Variants in WDR26 observed in about 807,000 individuals in gnomAD.
WDR26 encodes the protein WD repeat domain 26, also known as WD repeat-containing protein 26.
In WDR26, 5 loss-of-function variants were observed where a neutral mutation model predicts 84.1. The observed-to-expected ratio is 0.06, with a 90% CI of 0.03 to 0.13. The LOEUF (loss-of-function observed/expected upper bound fraction) is 0.13. Ranked by LOEUF, WDR26 falls within the 10% of genes least tolerant of loss-of-function variation. The pLI, the probability that WDR26 is intolerant of heterozygous loss-of-function variation, is 1.00. For missense variants in WDR26, 642 were observed against 974.9 expected, an observed-to-expected ratio of 0.66 and a Z score of 4.55; for synonymous variants, 415 against 389.6, an observed-to-expected ratio of 1.07 and a Z score of -0.77.
intron 7 of WDR26, among the ~76,000 whole-genome samples, chr1:224,410,803 A>T (rs1673717916): frequency 6.8e-6 from 1 of 147,260 alleles, no homozygotes; most frequent in South Asian, 2.1e-4. Context: ...GGCTCAAGTG[A>T]TCCTCCCACT....
At chr1:224,396,465 A>G (rs12754832) in intron 12 of WDR26, among the ~76,000 whole-genome samples, 27,901 of 152,166 alleles carry the variant, frequency 0.18, 2,812 homozygotes, top group Middle Eastern at 0.23. Context: ...GGAAAATTTA[A>G]TTAGAAACTA....
At chr1:224,425,001 C>T (rs969096756) in intron 3 of WDR26, among the ~76,000 whole-genome samples, 2 of 152,174 alleles carry the variant, frequency 1.3e-5, no homozygotes, top group East Asian at 3.8e-4. Flanking sequence ...ATTCCAAGTA[C>T]TTGAAATTTG....
intron 9 of WDR26, 100 bp from the exon 10 acceptor site, chr1:224,399,134 G>T (rs1673339189): frequency 1.1e-5 from 10 of 940,286 alleles, no homozygotes; most frequent in South Asian, 5.5e-5. Flanking sequence ...TTAGTAACAG[G>T]TTTTTTTTTT....
chr1:224,405,883 G>A (rs1216673775), intron 7 of WDR26, among the ~76,000 whole-genome samples: 2 of 152,226 alleles, frequency 1.3e-5, no homozygotes, highest in African/African-American at 4.8e-5. Context: ...GGAATATACA[G>A]TGTGATATTT....
At position 224,393,947 on chromosome 1, in the gene WDR26, C is replaced by T. The variant is rs1275715073; in HGVS notation, c.2141G>A (p.Arg714His). 4.5e-6 allele frequency: 7 copies of T among 1,570,936 alleles called. No individual in the cohort carries two copies. The highest frequency in any genetic ancestry group is 6.1e-6 in the Non-Finnish European group (7 of 1,146,444). The change falls in exon 13 of 14, where the codon CGT (arginine) becomes CAT (histidine). Residue 714 changes from arginine (R) to histidine (H), a missense_variant. Transcript: ENST00000414423. Reference sequence around the variant, plus strand: ...GTTCCAGCTCACACAGTTTACTGTACGTGTGTGCCCTGTCAGCTCCGCAAT... The same window carrying T: ...GTTCCAGCTCACACAGTTTACTGTATGTGTGTGCCCTGTCAGCTCCGCAAT...
intron 6 of WDR26, 103 bp from the exon 7 acceptor site, chr1:224,411,668 T>TA: frequency 8.1e-7 from 1 of 1,239,510 alleles, no homozygotes. Context: ...ATCACATCAC[T>TA]AACTTTAAAA....
At chr1:224,398,299 T>A in intron 11 of WDR26, 73 bp from the exon 12 acceptor site, 1 of 1,532,674 alleles carries the variant, frequency 6.5e-7, no homozygotes, top group Non-Finnish European at 8.8e-7. Flanking sequence ...TCTGTAAATA[T>A]CCCTTTGCCT....
At position 224,419,625 on chromosome 1, in the gene WDR26, C is replaced by A; in HGVS notation, c.1065-10G>T. 6.2e-7 allele frequency: 1 copy of A among 1,605,784 alleles called. No individual in the cohort carries two copies. The stretch of plus-strand genomic sequence containing the variant: ...GCTACACATCAGATACCTAAAAATA[C>A]AACAGAGAAAGCAACCAATATTAAA... On this transcript the variant is annotated splice_polypyrimidine_tract_variant and intron_variant, in intron 4 of 13. Coordinates refer to ENST00000414423, the MANE Select transcript of WDR26 (RefSeq NM_001379403.1).
At chr1:224,400,670 C>G (rs972337756) in intron 9 of WDR26, among the ~76,000 whole-genome samples, 1 of 152,040 alleles carries the variant, frequency 6.6e-6, no homozygotes, top group Admixed American at 6.5e-5. Context: ...CTCAGCCTCC[C>G]GAGTAGCTGG....
chr1:224,434,173 G>C lies in WDR26; in HGVS notation c.233C>G (p.Ala78Gly). ...GACAGCAGCGGCGGCGGGAGGGGCA[G>C]CAGCCGGGGGAAGTCCCACCACTAC... Residue 78 changes from alanine (A) to glycine (G), a missense_variant, in exon 1 of 14, where the codon GCT becomes GGT. Coordinates refer to ENST00000414423, the MANE Select transcript of WDR26 (RefSeq NM_001379403.1). 1.4e-6 allele frequency: 2 copies of C among 1,422,938 alleles called. No homozygotes were observed. Among genetic ancestry groups the C allele is most frequent in the Non-Finnish European group, 1.8e-6 (2 of 1,093,528 alleles). 88.1% of individuals were successfully genotyped at this position (1,422,938 alleles called of 1,614,324 possible). A position where few individuals can be genotyped will look rare whatever the true frequency, so the allele number is the denominator to read the frequency against.
At chr1:224,413,939 A>G in intron 6 of WDR26, among the ~76,000 whole-genome samples, 1 of 152,018 alleles carries the variant, frequency 6.6e-6, no homozygotes, top group East Asian at 1.9e-4. Context: ...CCTCCCCAGC[A>G]GCTGGGATTA....
rs573048440 is a variant in WDR26, at chr1:224,409,835, C to G, written c.1458+1592G>C. 3.3e-5 allele frequency among the ~76,000 whole-genome samples: 5 copies of G among 151,190 alleles called. No individual in the cohort carries two copies. In the South Asian group the frequency reaches 8.4e-4, roughly 25 times the overall value. ...CCAAGATTGCCCCACTGCACTACAC[C>G]CTGGGGGACATAGTGAGATACTGTC... On this transcript the variant is annotated intron_variant, in intron 7 of 13. Transcript: ENST00000414423.
Position 224,385,656 on chromosome 1 carries a change from G to A in WDR26, c.*4179C>T, listed in dbSNP as rs1440337463. ...TTCTTTTCTTGATCTCTACAGCTTG[G>A]TTTGTAAGTACATACATGCTTTTGT... On this transcript the variant is annotated 3_prime_UTR_variant, in exon 14 of 14. Coordinates refer to ENST00000414423, the MANE Select transcript of WDR26 (RefSeq NM_001379403.1). 1 of 152,536 alleles carries A rather than the reference G, an allele frequency of 6.6e-6. No individual in the cohort carries two copies. Among genetic ancestry groups the A allele is most frequent in the African/African-American group, 2.4e-5 (1 of 41,410 alleles). 9.4% of individuals were successfully genotyped at this position (152,536 alleles called of 1,614,324 possible). A position where few individuals can be genotyped will look rare whatever the true frequency, so the allele number is the denominator to read the frequency against.
intron 7 of WDR26, 58 bp from the exon 8 acceptor site, chr1:224,404,628 A>C: frequency 6.5e-7 from 1 of 1,547,056 alleles, no homozygotes; most frequent in Non-Finnish European, 8.7e-7. Flanking sequence ...TTGTTTCCCA[A>C]TGTAAGAACT....
intron 6 of WDR26, 93 bp from the exon 7 acceptor site, chr1:224,411,658 A>T: frequency 7.5e-7 from 1 of 1,338,434 alleles, no homozygotes; most frequent in East Asian, 2.5e-5. Context: ...TTCTTTGAAG[A>T]TCACATCACT....
intron 3 of WDR26, among the ~76,000 whole-genome samples, chr1:224,426,681 T>A (rs1006543477): frequency 2.0e-5 from 3 of 148,862 alleles, no homozygotes; most frequent in African/African-American, 5.0e-5. Flanking sequence ...AAAAAAAAAA[T>A]CTAAAAATAA....
intron 6 of WDR26, among the ~76,000 whole-genome samples, chr1:224,417,490 C>T (rs1673938787): frequency 6.6e-6 from 1 of 152,158 alleles, no homozygotes; most frequent in African/African-American, 2.4e-5. Flanking sequence ...GTATCGATTG[C>T]TTGAGACCAG....
chr1:224,414,180 A>G (rs1367243904), intron 6 of WDR26, among the ~76,000 whole-genome samples: 1 of 148,150 alleles, frequency 6.7e-6, no homozygotes, highest in East Asian at 2.0e-4. Context: ...ATCTCGGCTC[A>G]CTGCAATCTC....
chr1:224,428,577 C>T (rs1474141957), intron 3 of WDR26, among the ~76,000 whole-genome samples: 1 of 151,904 alleles, frequency 6.6e-6, no homozygotes, highest in Non-Finnish European at 1.5e-5. Flanking sequence ...CCAGAAATGG[C>T]GAAGTATATT....
Sources: allele counts gnomAD v4.1 joint callset (sites outside exome capture counted in the v4.1 genomes callset), GRCh38; gene constraint gnomAD v4.1.1; transcripts MANE v1.5; gene names NCBI Gene and HGNC (gene_info 2026-07-23, HGNC 2026-07-21).